Variants in LRP1B observed in about 807,000 individuals in gnomAD.
LRP1B encodes LDL receptor related protein 1B, also known as low-density lipoprotein receptor-related protein 1B.
In LRP1B, 217 loss-of-function variants were observed where a neutral mutation model predicts 556.6. The ratio of observed to expected loss-of-function variants is 0.39; its 90% CI spans 0.35 to 0.44. The LOEUF (loss-of-function observed/expected upper bound fraction) is 0.44. Among genes scored for constraint, LRP1B ranks in the 20% least tolerant of loss-of-function variants. The pLI is 1.00. For synonymous variants in LRP1B, 2,047 were observed against 1,865.8 expected (o/e 1.10, Z -2.50); for missense variants, 5,053 against 5,620.8 (o/e 0.90, Z 3.23).
At chr2:141,571,747 G>A (rs925240499) in intron 2 of LRP1B, among the ~76,000 whole-genome samples, 3 of 152,034 alleles carry the variant, frequency 2.0e-5, no homozygotes, top group African/African-American at 7.2e-5. Flanking sequence ...CGACCTGATG[G>A]TGCTGAGAAA....
intron 6 of LRP1B, among the ~76,000 whole-genome samples, chr2:141,198,496 A>C (rs1266942426): frequency 6.6e-6 from 1 of 152,156 alleles, no homozygotes; most frequent in Non-Finnish European, 1.5e-5. Flanking sequence ...GAACCTGTGC[A>C]TGTCTTTCTT....
intron 21 of LRP1B, among the ~76,000 whole-genome samples, chr2:140,918,177 A>G (rs893945794): frequency 1.4e-4 from 18 of 128,906 alleles, no homozygotes; most frequent in Non-Finnish European, 2.6e-4. Context: ...TCTGCTGTAG[A>G]TTTCTATTTT....
At chr2:140,595,102 A>G (rs764328423) in intron 43 of LRP1B, among the ~76,000 whole-genome samples, 2 of 56,276 alleles carry the variant, frequency 3.6e-5, no homozygotes, top group African/African-American at 1.6e-4. Context: ...ATATATATAT[A>G]TATATATATA....
intron 1 of LRP1B, among the ~76,000 whole-genome samples, chr2:142,075,923 G>C (rs1705481485): frequency 6.6e-6 from 1 of 152,116 alleles, no homozygotes; most frequent in Non-Finnish European, 1.5e-5. Flanking sequence ...ATTTCAGTCT[G>C]AATCTAGCCT....
In LRP1B at chr2:140,689,169, C is replaced by G. The variant is rs143525094; in HGVS notation, c.6799+11081G>C. On this transcript the variant is annotated intron_variant, in intron 41 of 90. Coordinates refer to ENST00000389484, the MANE Select transcript of LRP1B (RefSeq NM_018557.3). ...TATTCTATATATGAGTCCCTGTAGA[C>G]GAACTGCAACCTAACTTCATAGGTA... Among the ~76,000 whole-genome samples, 124 of 152,278 alleles carry G rather than the reference C, an allele frequency of 8.1e-4. 2 individuals carry two copies. The South Asian group carries it at 0.025, about 31-fold the overall frequency.
chr2:141,701,295 C>T (rs768747079), intron 2 of LRP1B, among the ~76,000 whole-genome samples: 3 of 151,852 alleles, frequency 2.0e-5, no homozygotes, highest in Non-Finnish European at 4.4e-5. Flanking sequence ...GCTCACTGAT[C>T]CCTGAACACA....
chr2:140,683,310 A>G lies in LRP1B; in HGVS notation c.6799+16940T>C, dbSNP rs74509933. ...ACTTTTCACCTTCAAAGGAAAAGAG[A>G]TCTTGACCTGGAGGCCCAACCACCT... is the stretch of plus-strand genomic sequence containing the variant. On this transcript the variant is annotated intron_variant, in intron 41 of 90. Coordinates refer to ENST00000389484, the MANE Select transcript of LRP1B (RefSeq NM_018557.3). 4,141 of 429,454 alleles carry G rather than the reference A, an allele frequency of 9.6e-3. 156 individuals are homozygous for G. The highest frequency in any genetic ancestry group is 0.079 in the African/African-American group (3,798 of 47,820). 26.6% of individuals were successfully genotyped at this position (429,454 alleles called of 1,614,324 possible). A position where few individuals can be genotyped will look rare whatever the true frequency, so the allele number is the denominator to read the frequency against.
At chr2:140,914,183 G>A (rs1694507155) in intron 21 of LRP1B, among the ~76,000 whole-genome samples, 1 of 152,098 alleles carries the variant, frequency 6.6e-6, no homozygotes, top group Non-Finnish European at 1.5e-5. Context: ...TGTGGATAGA[G>A]TGGATTGAAG....
At chr2:141,120,913 T>C (rs991725657) in intron 7 of LRP1B, among the ~76,000 whole-genome samples, 1 of 151,982 alleles carries the variant, frequency 6.6e-6, no homozygotes, top group African/African-American at 2.4e-5. Context: ...CACCATGCAT[T>C]GCACACTGCA....
chr2:140,883,724 T>C (rs973600371), intron 25 of LRP1B, 93 bp downstream of exon 25: 67 of 1,114,066 alleles, frequency 6.0e-5, no homozygotes, highest in Non-Finnish European at 8.3e-5. Flanking sequence ...ATAACCACTT[T>C]GACTCATAAT....
chr2:140,282,515 G>T (rs1682959410), intron 84 of LRP1B, among the ~76,000 whole-genome samples: 1 of 151,704 alleles, frequency 6.6e-6, no homozygotes, highest in Non-Finnish European at 1.5e-5. Flanking sequence ...AATCTACAAA[G>T]TGATTTGAAT....
intron 41 of LRP1B, among the ~76,000 whole-genome samples, chr2:140,633,504 G>T (rs1683969089): frequency 6.6e-6 from 1 of 151,932 alleles, no homozygotes; most frequent in Non-Finnish European, 1.5e-5. Flanking sequence ...TTAAAAACAG[G>T]AAAACAATAG....
intron 41 of LRP1B, among the ~76,000 whole-genome samples, chr2:140,678,770 CTTT>C (rs35395485): frequency 1.2e-4 from 16 of 136,176 alleles, no homozygotes; most frequent in Admixed American, 2.2e-4. Flanking sequence ...TTCAATCTCC[CTTT>C]TTTTTTTTTT....
intron 17 of LRP1B, among the ~76,000 whole-genome samples, chr2:140,989,126 G>A (rs967927063): frequency 3.3e-5 from 5 of 151,780 alleles, no homozygotes; most frequent in African/African-American, 1.2e-4. Context: ...TATTCACAGA[G>A]GTATTCTATA....
At chr2:140,508,423 G>A (rs532311081) in intron 52 of LRP1B, among the ~76,000 whole-genome samples, 1 of 151,980 alleles carries the variant, frequency 6.6e-6, no homozygotes, top group African/African-American at 2.4e-5. Flanking sequence ...ACTGCCCCAG[G>A]CTCCATGAAC....
intron 2 of LRP1B, among the ~76,000 whole-genome samples, chr2:141,548,573 G>C (rs972136215): frequency 3.9e-5 from 6 of 152,140 alleles, no homozygotes; most frequent in African/African-American, 1.4e-4. Flanking sequence ...AAAATTCAGT[G>C]AAAACTTTCA....
chr2:141,594,180 G>A (rs929524498), intron 2 of LRP1B, among the ~76,000 whole-genome samples: 2 of 151,998 alleles, frequency 1.3e-5, no homozygotes, highest in East Asian at 1.9e-4. Flanking sequence ...AGGGGACCCT[G>A]TGCCCCAGTT....
At chr2:141,066,835 T>G (rs566581528) in intron 7 of LRP1B, among the ~76,000 whole-genome samples, 1 of 151,976 alleles carries the variant, frequency 6.6e-6, no homozygotes, top group East Asian at 1.9e-4. Flanking sequence ...GTATTTTACG[T>G]AACAAGATAC....
intron 41 of LRP1B, among the ~76,000 whole-genome samples, chr2:140,690,120 CCT>C (rs1686186095): frequency 1.3e-5 from 2 of 151,756 alleles, no homozygotes. Flanking sequence ...AAGGTGTCCC[CCT>C]CTCTCAGACC....
Sources: gnomAD v4.1 joint callset for allele counts (sites outside exome capture counted in the v4.1 genomes callset) on GRCh38, gnomAD v4.1.1 for gene constraint, MANE v1.5 for transcripts, NCBI Gene and HGNC (gene_info 2026-07-23, HGNC 2026-07-21) for gene names.